B3GAT2: variants seen among roughly 807,000 people sequenced by gnomAD.
B3GAT2 encodes beta-1,3-glucuronyltransferase 2, also known as galactosylgalactosylxylosylprotein 3-beta-glucuronosyltransferase 2.
B3GAT2 carries 26 observed loss-of-function variants against 27.8 expected under a neutral mutation model. That is an observed-to-expected ratio of 0.93 (90% CI 0.68 to 1.30). B3GAT2 has a LOEUF of 1.30. Among genes scored for constraint, B3GAT2 ranks in the 50% most tolerant of loss-of-function variants. B3GAT2 has a pLI of 0.00. For synonymous variants in B3GAT2, 218 were observed against 195.1 expected, an observed-to-expected ratio of 1.12 and a Z score of -0.98; for missense variants, 458 against 459.0, an observed-to-expected ratio of 1.00 and a Z score of 0.02.
At chr6:70,933,518 A>C (rs753947090) in intron 1 of B3GAT2, among the ~76,000 whole-genome samples, 4 of 152,226 alleles carry the variant, frequency 2.6e-5, no homozygotes, top group Non-Finnish European at 4.4e-5. Context: ...TCTGATAGAA[A>C]AGACTTCCCA....
intron 1 of B3GAT2, among the ~76,000 whole-genome samples, chr6:70,915,292 A>G (rs1215761583): frequency 1.3e-5 from 2 of 152,032 alleles, no homozygotes; most frequent in Admixed American, 6.6e-5. Context: ...TTCTTTGTAC[A>G]TTCTGAATAT....
chr6:70,897,674 T>A (rs201225954), intron 1 of B3GAT2, among the ~76,000 whole-genome samples: 24 of 52,874 alleles, frequency 4.5e-4, no homozygotes, highest in South Asian at 3.5e-3. Flanking sequence ...AAAAAAAATA[T>A]ATATATATAT....
intron 1 of B3GAT2, among the ~76,000 whole-genome samples, chr6:70,926,868 T>C (rs1772970204): frequency 6.6e-6 from 1 of 151,948 alleles, no homozygotes; most frequent in Non-Finnish European, 1.5e-5. Context: ...CCAAGACACA[T>C]AATTGTCAGA....
intron 1 of B3GAT2, among the ~76,000 whole-genome samples, chr6:70,937,668 T>A (rs1298072238): frequency 2.0e-5 from 3 of 151,672 alleles, no homozygotes; most frequent in Non-Finnish European, 1.5e-5. Context: ...ATTATCTCAA[T>A]AGATGCAGAA....
chr6:70,866,042 T>C (rs1160438908), intron 2 of B3GAT2, among the ~76,000 whole-genome samples: 1 of 152,218 alleles, frequency 6.6e-6, no homozygotes, highest in Non-Finnish European at 1.5e-5. Context: ...GGAAGAACTC[T>C]GCTGATCTGT....
At position 70,857,735 on chromosome 6, in the gene B3GAT2, T is replaced by G. The variant is rs1443484665; in HGVS notation, c.*3928A>C. Reference sequence around the variant, plus strand: ...TTTACTCAGGTTAATAACTGATTTGTCTGCATCCTAGAAACAACCAGCTCT... The same window carrying G: ...TTTACTCAGGTTAATAACTGATTTGGCTGCATCCTAGAAACAACCAGCTCT... On this transcript the variant is annotated 3_prime_UTR_variant, in exon 4 of 4. Transcript: ENST00000230053. 8.3e-6 allele frequency: 5 copies of G among 600,670 alleles called. No homozygotes were observed. The highest frequency in any genetic ancestry group is 1.5e-5 in the Non-Finnish European group (5 of 340,710). The allele number at this position is 600,670 out of a possible 1,614,324, so 37.2% of individuals were successfully genotyped here.
chr6:70,938,574 G>C (rs1380095691), intron 1 of B3GAT2, among the ~76,000 whole-genome samples: 3 of 150,308 alleles, frequency 2.0e-5, no homozygotes, highest in Non-Finnish European at 4.5e-5. Flanking sequence ...CAATGGAACA[G>C]AACAGAGCCC....
chr6:70,869,045 C>T (rs1771895245), intron 2 of B3GAT2, among the ~76,000 whole-genome samples: 1 of 152,160 alleles, frequency 6.6e-6, no homozygotes, highest in Non-Finnish European at 1.5e-5. Flanking sequence ...TTTGAGAAGA[C>T]TTTTTTTCCC....
At chr6:70,915,070 G>A (rs1034276914) in intron 1 of B3GAT2, among the ~76,000 whole-genome samples, 9 of 152,150 alleles carry the variant, frequency 5.9e-5, no homozygotes, top group Non-Finnish European at 5.9e-5. Flanking sequence ...AGCATCTGTG[G>A]TTTCCTGGCT....
chr6:70,881,552 G>A (rs1426534709), intron 2 of B3GAT2, among the ~76,000 whole-genome samples: 1 of 152,176 alleles, frequency 6.6e-6, no homozygotes, highest in Non-Finnish European at 1.5e-5. Context: ...GAGTTACTCA[G>A]GGAAACTCAA....
intron 1 of B3GAT2, among the ~76,000 whole-genome samples, chr6:70,955,482 C>A (rs537885838): frequency 1.3e-5 from 2 of 150,766 alleles, no homozygotes; most frequent in East Asian, 2.0e-4. Context: ...TCGCAGCCAG[C>A]GCCTGCAGGT....
intron 1 of B3GAT2, among the ~76,000 whole-genome samples, chr6:70,937,805 G>T (rs978816248): frequency 6.6e-6 from 1 of 152,108 alleles, no homozygotes; most frequent in Non-Finnish European, 1.5e-5. Context: ...CATACTGAAT[G>T]GGCAAAAACT....
Position 70,932,039 on chromosome 6 carries a change from G to A in B3GAT2, c.591+23800C>T, listed in dbSNP as rs1397906963. On this transcript the variant is annotated intron_variant, in intron 1 of 3. Coordinates refer to ENST00000230053, the MANE Select transcript of B3GAT2 (RefSeq NM_080742.3). ...ATGTTCAACATCACTAATTATAGGAGAGATGCAAATCAAAATCACAAAGAC... is the reference window on the plus strand; with the variant it reads ...ATGTTCAACATCACTAATTATAGGAAAGATGCAAATCAAAATCACAAAGAC... Among the ~76,000 whole-genome samples, 4 of 152,140 alleles carry A rather than the reference G, an allele frequency of 2.6e-5. No individual in the cohort carries two copies. In the East Asian group the frequency reaches 7.7e-4, roughly 29 times the overall value.
chr6:70,899,812 C>G (rs1436010618), intron 1 of B3GAT2, among the ~76,000 whole-genome samples: 1 of 152,168 alleles, frequency 6.6e-6, no homozygotes, highest in Non-Finnish European at 1.5e-5. Flanking sequence ...TTGAGGATTC[C>G]TTAACAGCCC....
chr6:70,938,693 C>T (rs984907091), intron 1 of B3GAT2, among the ~76,000 whole-genome samples: 4 of 152,010 alleles, frequency 2.6e-5, no homozygotes, highest in African/African-American at 7.3e-5. Context: ...GGAAAACTGG[C>T]TAGCCATATG....
At chr6:70,867,425 C>T (rs1771869177) in intron 2 of B3GAT2, among the ~76,000 whole-genome samples, 1 of 152,048 alleles carries the variant, frequency 6.6e-6, no homozygotes, top group Admixed American at 6.5e-5. Flanking sequence ...AATTGATAAA[C>T]TCTACCCATG....
chr6:70,925,475 C>A (rs1041856764), intron 1 of B3GAT2, among the ~76,000 whole-genome samples: 2 of 152,210 alleles, frequency 1.3e-5, no homozygotes, highest in African/African-American at 2.4e-5. Flanking sequence ...ATGGTCTTAG[C>A]AAACGGCACA....
intron 1 of B3GAT2, among the ~76,000 whole-genome samples, chr6:70,894,986 T>G (rs916551300): frequency 5.3e-5 from 8 of 152,230 alleles, no homozygotes; most frequent in Non-Finnish European, 1.2e-4. Flanking sequence ...AGCTTGCTGA[T>G]ATTAGGCAGC....
intron 1 of B3GAT2, among the ~76,000 whole-genome samples, chr6:70,954,917 G>GGGGC (rs1554218598): frequency 6.6e-6 from 1 of 151,394 alleles, no homozygotes; most frequent in African/African-American, 2.4e-5. Flanking sequence ...GGGGGCGGCG[G>GGGGC]GGGGGGGCGG....
Sources: allele counts gnomAD v4.1 joint callset (sites outside exome capture counted in the v4.1 genomes callset), GRCh38; gene constraint gnomAD v4.1.1; transcripts MANE v1.5; gene names NCBI Gene and HGNC (gene_info 2026-07-23, HGNC 2026-07-21).